Variants in JMJD1C observed in about 807,000 individuals in gnomAD.
The protein encoded by JMJD1C is jumonji domain-containing protein 1C.
JMJD1C carries 31 observed loss-of-function variants against 245.3 expected under a neutral mutation model. That is an observed-to-expected ratio of 0.13 (90% confidence interval 0.09 to 0.17). The LOEUF (loss-of-function observed/expected upper bound fraction) is 0.17, where lower values mean the gene tolerates loss of function less well. JMJD1C is among the 10% of genes least tolerant of loss of function. The pLI is 1.00. For missense variants in JMJD1C, 2,691 were observed against 3,000.2 expected (o/e 0.90, Z 2.41); for synonymous variants, 1,057 against 1,017.4 (o/e 1.04, Z -0.74).
At chr10:63,443,795 C>T (rs956537289) in intron 1 of JMJD1C, among the ~76,000 whole-genome samples, 1 of 152,156 alleles carries the variant, frequency 6.6e-6, no homozygotes, top group Non-Finnish European at 1.5e-5. Flanking sequence ...CCAGACCATA[C>T]CCTGAAGTTA....
intron 3 of JMJD1C, among the ~76,000 whole-genome samples, chr10:63,241,441 G>C (rs1404555158): frequency 6.6e-6 from 1 of 152,062 alleles, no homozygotes; most frequent in Non-Finnish European, 1.5e-5. Context: ...AACTACATAG[G>C]TTTAAAATTA....
At position 63,348,061 on chromosome 10, in the gene JMJD1C, C is replaced by T. The variant is rs577303017; in HGVS notation, c.333+32257G>A. ...AATCCACCTCCACTTACTAAAAATA[C>T]AAAAATTAGCCAGGTGTGGTGGCGC... On this transcript the variant is annotated intron_variant, in intron 2 of 25. Coordinates refer to ENST00000399262, the MANE Select transcript of JMJD1C (RefSeq NM_032776.3). Among the ~76,000 whole-genome samples, 3 of 151,942 alleles carry T rather than the reference C, an allele frequency of 2.0e-5. No individual in the cohort carries two copies. The South Asian group carries it at 6.2e-4, about 32-fold the overall frequency.
rs751149751 is a variant in JMJD1C at position 63,198,525 on chromosome 10, C to T, written c.5479G>A (p.Val1827Met). Residue 1827 changes from valine (V) to methionine (M), a missense_variant, in exon 12 of 26, where the codon GTG becomes ATG. Coordinates refer to ENST00000399262, the MANE Select transcript of JMJD1C (RefSeq NM_032776.3). ...TTAACTTCCTTACCATCCTTTTTCACCCAGGACAAAGCTGTTTTTTCAGAT... is the reference window on the plus strand; with the variant it reads ...TTAACTTCCTTACCATCCTTTTTCATCCAGGACAAAGCTGTTTTTTCAGAT... The part of the protein sequence containing the change: ...VTSEKTALSW[V>M]KKDAKIAWKR... 6.3e-7 allele frequency: 1 copy of T among 1,585,128 alleles called. No individual in the cohort carries two copies. Among genetic ancestry groups the T allele is most frequent in the South Asian group, 1.1e-5 (1 of 87,402 alleles).
At chr10:63,202,755 T>C (rs764097588) in intron 10 of JMJD1C, 38 of 985,438 alleles carry the variant, frequency 3.9e-5, no homozygotes, top group East Asian at 1.1e-4. Flanking sequence ...ATTTCCTCCA[T>C]TGTGCAAAAG....
At chr10:63,179,001 A>G (rs777371771) in intron 22 of JMJD1C, among the ~76,000 whole-genome samples, 7 of 152,172 alleles carry the variant, frequency 4.6e-5, no homozygotes, top group Non-Finnish European at 1.0e-4. Context: ...AATAATGTAC[A>G]TTGTATCTAC....
intron 1 of JMJD1C, among the ~76,000 whole-genome samples, chr10:63,381,994 C>T (rs1947256422): frequency 6.6e-6 from 1 of 152,120 alleles, no homozygotes; most frequent in African/African-American, 2.4e-5. Context: ...GGTGGATCAC[C>T]TGAGGTCAGG....
At chr10:63,397,056 T>C (rs1445848800) in intron 1 of JMJD1C, among the ~76,000 whole-genome samples, 1 of 152,012 alleles carries the variant, frequency 6.6e-6, no homozygotes, top group East Asian at 1.9e-4. Context: ...AGTAACACTC[T>C]ATTTTGACAA....
At chr10:63,302,553 A>T (rs1484992334) in intron 2 of JMJD1C, among the ~76,000 whole-genome samples, 1 of 152,250 alleles carries the variant, frequency 6.6e-6, no homozygotes, top group Non-Finnish European at 1.5e-5. Flanking sequence ...ACAGACAGCT[A>T]AGACTGAAGA....
At chr10:63,233,019 C>T (rs1589231734) in intron 3 of JMJD1C, among the ~76,000 whole-genome samples, 1 of 152,132 alleles carries the variant, frequency 6.6e-6, no homozygotes, top group East Asian at 1.9e-4. Flanking sequence ...AACTACAATG[C>T]TGTCTAATTC....
intron 3 of JMJD1C, among the ~76,000 whole-genome samples, chr10:63,220,771 G>A (rs1295088147): frequency 6.6e-6 from 1 of 152,148 alleles, no homozygotes. Flanking sequence ...GAGTAGCTGA[G>A]AAGAATAACA....
At chr10:63,428,410 A>G (rs1489157249) in intron 1 of JMJD1C, among the ~76,000 whole-genome samples, 2 of 152,248 alleles carry the variant, frequency 1.3e-5, no homozygotes, top group African/African-American at 2.4e-5. Flanking sequence ...AGACTCATTC[A>G]TTACAAAACA....
chr10:63,305,627 G>GGTGT (rs1420500276), intron 2 of JMJD1C, among the ~76,000 whole-genome samples: 9 of 58,606 alleles, frequency 1.5e-4, no homozygotes, highest in Non-Finnish European at 3.5e-4. Context: ...CCACCATGCT[G>GGTGT]GCGTGTGTGT....
rs1212727436 is a variant in JMJD1C at position 63,200,596 on chromosome 10, T to G, written c.5156A>C (p.Asp1719Ala). The G allele has an allele frequency of 6.2e-7, 1 of 1,613,626 alleles. No individual in the cohort carries two copies. The highest frequency in any genetic ancestry group is 1.7e-5 in the Admixed American group (1 of 59,982). ...KQTGESFLQD[D>A]SCCEIGPNLQ... ...ATTAGGCCCTATCTCACAGCAGGAG[T>G]CATCCTGTAAAAAGGATTCCCCAGT... The change falls in exon 11 of 26, where the codon GAC becomes GCC. Residue 1719 changes from aspartate to alanine, a missense_variant. Around this residue, in one of 9 missense-constraint regions of JMJD1C, gnomAD observed 139 missense variants for 270.5 expected, o/e 0.51. Transcript: ENST00000399262.
intron 13 of JMJD1C, 121 bp from the exon 14 acceptor site, chr10:63,194,496 A>G (rs1225376246): frequency 1.7e-6 from 1 of 599,728 alleles, no homozygotes; most frequent in African/African-American, 1.8e-5. Flanking sequence ...GCCAAAGAGA[A>G]AAAGAAAAAA....
chr10:63,450,530 A>G (rs1282915115), intron 1 of JMJD1C, among the ~76,000 whole-genome samples: 1 of 152,222 alleles, frequency 6.6e-6, no homozygotes, highest in Non-Finnish European at 1.5e-5. Flanking sequence ...TTCAACACAC[A>G]AAAGTCAATA....
intron 2 of JMJD1C, among the ~76,000 whole-genome samples, chr10:63,358,137 A>C (rs1185270997): frequency 6.6e-6 from 1 of 152,196 alleles, no homozygotes; most frequent in Non-Finnish European, 1.5e-5. Context: ...GAATAGATAT[A>C]GGAAATACTT....
In JMJD1C at chr10:63,206,755, T is replaced by C. The variant is rs1846673394; in HGVS notation, c.4914A>G (p.Ser1638=). The stretch of plus-strand genomic sequence containing the variant: ...TAGGTTGTCTTTTAGTCCTTTGCTC[T>C]GACTTGCTTTCACTTTCATCTGAGT... The part of the protein sequence containing the change: ...SGDSDESESK[S]EQRTKRQPKP... The change falls in exon 10 of 26, where the codon TCA becomes TCG. Residue 1638 remains serine (S), a synonymous_variant. Coordinates refer to ENST00000399262, the MANE Select transcript of JMJD1C (RefSeq NM_032776.3). The C allele has an allele frequency of 6.2e-7, 1 of 1,612,094 alleles. No individual in the cohort carries two copies. The highest frequency in any genetic ancestry group is 1.1e-5 in the South Asian group (1 of 90,212).
intron 1 of JMJD1C, among the ~76,000 whole-genome samples, chr10:63,388,309 C>G (rs1947788936): frequency 6.8e-6 from 1 of 148,144 alleles, no homozygotes; most frequent in Admixed American, 6.8e-5. Flanking sequence ...CCTTACAGGG[C>G]AGAAGACAAT....
At chr10:63,312,699 G>A (rs924999932) in intron 2 of JMJD1C, among the ~76,000 whole-genome samples, 2 of 152,044 alleles carry the variant, frequency 1.3e-5, no homozygotes, top group African/African-American at 4.8e-5. Context: ...TAACAATACA[G>A]TCCACTCCTG....
Sources: gnomAD v4.1 joint callset for allele counts (sites outside exome capture counted in the v4.1 genomes callset) on GRCh38, gnomAD v4.1.1 for gene constraint, gnomAD v4.1.1 regional missense constraint, MANE v1.5 for transcripts, NCBI Gene and HGNC (gene_info 2026-07-23, HGNC 2026-07-21) for gene names.